PTPRK: variants seen among roughly 807,000 people sequenced by gnomAD.
PTPRK encodes the protein protein tyrosine phosphatase receptor type K.
PTPRK carries 75 observed loss-of-function variants against 178.0 expected under a neutral mutation model. The observed-to-expected ratio is 0.42, with a 90% CI of 0.35 to 0.51. The LOEUF is 0.51. PTPRK is among the 20% of genes least tolerant of loss of function. The probability of loss-of-function intolerance (pLI) is 0.02; values close to 1 mark genes in which losing one functional copy is unlikely to be tolerated. For missense variants in PTPRK, 1,441 were observed against 1,797.8 expected, an observed-to-expected ratio of 0.80 and a Z score of 3.59; for synonymous variants, 637 against 620.6, an observed-to-expected ratio of 1.03 and a Z score of -0.39.
In PTPRK at chr6:128,005,945, C is replaced by T; in HGVS notation, c.2334-701G>A. On this transcript the variant is annotated intron_variant, in intron 14 of 29. Coordinates refer to ENST00000368226, the MANE Select transcript of PTPRK (RefSeq NM_002844.4). The stretch of plus-strand genomic sequence containing the variant: ...TTTTTTTGAAATGTCACCAAAATTG[C>T]AAGCATTCTGTTTTGTTTTTGAAAA... The T allele has an allele frequency of 7.2e-6, 8 of 1,104,152 alleles. No homozygotes were observed. The South Asian group carries it at 1.5e-4, about 21-fold the overall frequency. 68.4% of individuals were successfully genotyped at this position (1,104,152 alleles called of 1,614,324 possible). A position where few individuals can be genotyped will look rare whatever the true frequency, so the allele number is the denominator to read the frequency against.
chr6:128,486,169 T>G (rs2128426401), intron 1 of PTPRK, among the ~76,000 whole-genome samples: 1 of 152,200 alleles, frequency 6.6e-6, no homozygotes. Context: ...TAAAAAAAAC[T>G]AATAAAAAGG....
intron 13 of PTPRK, among the ~76,000 whole-genome samples, chr6:128,021,657 G>C (rs573560104): frequency 7.0e-4 from 107 of 151,960 alleles, no homozygotes; most frequent in African/African-American, 2.4e-3. Context: ...AAGAAAGAAA[G>C]TTTCATCTCT....
intron 1 of PTPRK, among the ~76,000 whole-genome samples, chr6:128,425,280 T>C (rs977977299): frequency 2.0e-5 from 3 of 152,052 alleles, no homozygotes; most frequent in Non-Finnish European, 4.4e-5. Flanking sequence ...GGTTTCACCA[T>C]GTTAGCCAGG....
At chr6:128,312,599 T>C (rs1382062586) in intron 3 of PTPRK, among the ~76,000 whole-genome samples, 2 of 152,200 alleles carry the variant, frequency 1.3e-5, no homozygotes, top group Admixed American at 1.3e-4. Flanking sequence ...CTTCCCCTCA[T>C]TGTTTAATTA....
In PTPRK at chr6:128,348,976, G is replaced by A. The variant is rs1215816727; in HGVS notation, c.224-26666C>T. 3.3e-5 allele frequency among the ~76,000 whole-genome samples: 5 copies of A among 151,982 alleles called. No individual in the cohort carries two copies. The East Asian group carries it at 9.6e-4, about 29-fold the overall frequency. ...TCTAAGAATGTTAGTAATTGCTAAG[G>A]GCTTTTGCAAACAGAGATTTCCATA... On this transcript the variant is annotated intron_variant, in intron 2 of 29. Transcript: ENST00000368226.
intron 1 of PTPRK, among the ~76,000 whole-genome samples, chr6:128,407,633 C>CAAAAAAAAAAA (rs56189580): frequency 2.0e-5 from 2 of 97,720 alleles, no homozygotes; most frequent in Non-Finnish European, 3.9e-5. Flanking sequence ...AAGACCCTAT[C>CAAAAAAAAAAA]AAAAAAAAAA....
intron 7 of PTPRK, among the ~76,000 whole-genome samples, chr6:128,091,978 A>T (rs1293667631): frequency 6.6e-6 from 1 of 152,222 alleles, no homozygotes; most frequent in Admixed American, 6.5e-5. Context: ...ATTATCTGTT[A>T]TGCAGAAAAT....
intron 6 of PTPRK, among the ~76,000 whole-genome samples, chr6:128,205,329 G>A (rs1806728180): frequency 6.6e-6 from 1 of 151,918 alleles, no homozygotes; most frequent in Non-Finnish European, 1.5e-5. Context: ...TAATACCTAG[G>A]TGATGGGACA....
At position 128,005,209 on chromosome 6, in the gene PTPRK, T is replaced by C. The variant is rs1778279119; in HGVS notation, c.2369A>G (p.Asn790Ser). 1.9e-6 allele frequency: 3 copies of C among 1,611,286 alleles called. No homozygotes were observed. Among genetic ancestry groups the C allele is most frequent in the Admixed American group, 1.7e-5 (1 of 59,730 alleles). ...LAKKRKDAMG[N>S]TRQEMTHMVN... ...CATGTGAGTCATCTCCTGCCGGGTA[T>C]TCCCCATGGCATCTTTGCGTTTTTT... Residue 790 changes from asparagine to serine, a missense_variant, in exon 15 of 30, where the codon AAT (asparagine) becomes AGT (serine). Physicochemically the swap from Asn to Ser is conservative, Grantham distance 46. Transcript: ENST00000368226.
intron 1 of PTPRK, among the ~76,000 whole-genome samples, chr6:128,452,801 G>T (rs1394992009): frequency 2.0e-5 from 3 of 152,082 alleles, no homozygotes; most frequent in Non-Finnish European, 4.4e-5. Context: ...TGCTATATAG[G>T]TTTCCTGTTT....
intron 7 of PTPRK, among the ~76,000 whole-genome samples, chr6:128,178,438 T>A (rs1287239798): frequency 1.3e-5 from 2 of 151,640 alleles, no homozygotes; most frequent in Non-Finnish European, 2.9e-5. Context: ...CCCTCTAATA[T>A]AATGTATTAT....
intron 1 of PTPRK, among the ~76,000 whole-genome samples, chr6:128,435,243 G>T (rs779521515): frequency 9.9e-5 from 15 of 152,104 alleles, no homozygotes; most frequent in Non-Finnish European, 1.8e-4. Flanking sequence ...AAAATGCTAT[G>T]TTGGATATGC....
chr6:128,392,180 C>A (rs1438547450), intron 2 of PTPRK, among the ~76,000 whole-genome samples: 1 of 152,108 alleles, frequency 6.6e-6, no homozygotes, highest in Non-Finnish European at 1.5e-5. Flanking sequence ...CCTTAAACTA[C>A]TGAATCAGAC....
rs183790046 is a variant in PTPRK at position 128,151,349 on chromosome 6, G to C, written c.1162+33083C>G. On this transcript the variant is annotated intron_variant, in intron 7 of 29. Transcript: ENST00000368226. Reference sequence around the variant, plus strand: ...ACAAAAAATTAAGTCAAGGGTAGGAGAGAAAGGGGGAGAAAAATTAAGGCA... The same window carrying C: ...ACAAAAAATTAAGTCAAGGGTAGGACAGAAAGGGGGAGAAAAATTAAGGCA... Among the ~76,000 whole-genome samples, 9 of 152,158 alleles carry C rather than the reference G, an allele frequency of 5.9e-5. No homozygotes were observed. In the East Asian group the frequency reaches 1.7e-3, roughly 29 times the overall value.
rs537424427 is a variant in PTPRK at position 128,278,313 on chromosome 6, C to G, written c.496-35711G>C. Among the ~76,000 whole-genome samples, 5 of 152,068 alleles carry G rather than the reference C, an allele frequency of 3.3e-5. No individual in the cohort carries two copies. In the South Asian group the frequency reaches 1.0e-3, roughly 32 times the overall value. On this transcript the variant is annotated intron_variant, in intron 3 of 29. Coordinates refer to ENST00000368226, the MANE Select transcript of PTPRK (RefSeq NM_002844.4). ...CTGGGATTACAGGTGCACACCACCA[C>G]GCCCAGGTAATTTTTTGTATTTTTA...
At chr6:128,284,172 C>T (rs921253126) in intron 3 of PTPRK, among the ~76,000 whole-genome samples, 1 of 152,128 alleles carries the variant, frequency 6.6e-6, no homozygotes, top group African/African-American at 2.4e-5. Flanking sequence ...TTCTGTAATT[C>T]ACAGAAAATG....
At chr6:128,217,206 T>C (rs1809481829) in intron 6 of PTPRK, among the ~76,000 whole-genome samples, 1 of 152,210 alleles carries the variant, frequency 6.6e-6, no homozygotes, top group Admixed American at 6.5e-5. Flanking sequence ...ATAAATTGTT[T>C]CTCTGCCTAA....
intron 1 of PTPRK, among the ~76,000 whole-genome samples, chr6:128,441,744 G>A (rs992196886): frequency 2.0e-5 from 3 of 152,184 alleles, no homozygotes; most frequent in South Asian, 2.1e-4. Flanking sequence ...AATTTAAGAC[G>A]ATATATACAG....
At chr6:128,038,993 T>C (rs947974598) in intron 13 of PTPRK, among the ~76,000 whole-genome samples, 2 of 152,170 alleles carry the variant, frequency 1.3e-5, no homozygotes, top group Non-Finnish European at 2.9e-5. Context: ...TATGGAGAAA[T>C]AGGTATTCTA....
Sources: allele counts gnomAD v4.1 joint callset (sites outside exome capture counted in the v4.1 genomes callset), GRCh38; gene constraint gnomAD v4.1.1; transcripts MANE v1.5; gene names NCBI Gene and HGNC (gene_info 2026-07-23, HGNC 2026-07-21).